The following FXR1 variants were observed in gnomAD, a reference collection of about 807,000 sequenced individuals.
The protein encoded by FXR1 is FMR1 autosomal homolog 1.
In FXR1, 15 loss-of-function variants were observed where a neutral mutation model predicts 84.0. The ratio of observed to expected loss-of-function variants is 0.18; its 90% CI spans 0.12 to 0.27. The LOEUF (loss-of-function observed/expected upper bound fraction) is 0.27, where lower values mean the gene tolerates loss of function less well. FXR1 is among the 10% of genes least tolerant of loss of function. The probability of loss-of-function intolerance (pLI) is 1.00; values close to 1 mark genes in which losing one functional copy is unlikely to be tolerated. For synonymous variants in FXR1, 245 were observed against 250.7 expected (o/e 0.98, Z 0.21); for missense variants, 480 against 774.4 (o/e 0.62, Z 4.51).
chr3:180,961,585 A>G (rs769615389), intron 11 of FXR1, 31 bp downstream of exon 11: 1 of 975,610 alleles, frequency 1.0e-6, no homozygotes. Context: ...ATATTCTGAT[A>G]TTGTTGCTGC....
At chr3:180,976,069 C>T in intron 16 of FXR1, 53 bp from the exon 17 acceptor site, 2 of 1,419,218 alleles carry the variant, frequency 1.4e-6, no homozygotes, top group Non-Finnish European at 1.9e-6. Context: ...TTTTCCTCCT[C>T]AGCTATAGAT....
At chr3:180,917,263 C>G (rs889961416) in intron 1 of FXR1, among the ~76,000 whole-genome samples, 1 of 141,408 alleles carries the variant, frequency 7.1e-6, no homozygotes, top group African/African-American at 2.7e-5. Flanking sequence ...TGAGCGTAAT[C>G]TAAATTATGC....
chr3:180,937,637 T>C (rs1720673729), intron 3 of FXR1, among the ~76,000 whole-genome samples: 1 of 152,126 alleles, frequency 6.6e-6, no homozygotes, highest in South Asian at 2.1e-4. Flanking sequence ...ATTTAAAAAT[T>C]AATATAAGGA....
chr3:180,971,010 G>T (rs918876790), intron 15 of FXR1: 5 of 386,942 alleles, frequency 1.3e-5, no homozygotes, highest in East Asian at 2.4e-4. Flanking sequence ...TTGAAGGAAA[G>T]AAGGTTTTTT....
rs530598051 is a variant in FXR1 at position 180,918,530 on chromosome 3, T to C, written c.51+5794T>C. Among the ~76,000 whole-genome samples, 67 of 152,368 alleles carry C rather than the reference T, an allele frequency of 4.4e-4. 1 individual carries two copies. Among genetic ancestry groups the C allele is most frequent in the African/African-American group, 3.1e-4 (13 of 41,592 alleles). On this transcript the variant is annotated intron_variant, in intron 1 of 16. Transcript: ENST00000357559. ...CAGATACTTTGCTGGATTATCACTC[T>C]GGATAAGTTCTCTATCACAGTGTTT...
At chr3:180,971,033 T>A in intron 15 of FXR1, 3 of 713,184 alleles carry the variant, frequency 4.2e-6, no homozygotes, top group Non-Finnish European at 3.8e-6. Context: ...TTTTTTTGTT[T>A]GTTTTTGTCA....
In FXR1 at chr3:180,954,107, TTC is replaced by T. The variant is rs577125359; in HGVS notation, c.880+268_880+269del. 4.1e-4 allele frequency: 122 copies of T among 295,922 alleles called. 3 individuals are homozygous for T. In the South Asian group the frequency reaches 7.9e-3, roughly 19 times the overall value. 18.3% of individuals were successfully genotyped at this position (295,922 alleles called of 1,614,324 possible). On this transcript the variant is annotated intron_variant, in intron 9 of 16. Transcript: ENST00000357559. Reference sequence around the variant, plus strand: ...TTTTATAAGTTTGTCATTACAGTTTTTCATCAGTCTTTTCATCCCTTGGGATC... The same window carrying T: ...TTTTATAAGTTTGTCATTACAGTTTTATCAGTCTTTTCATCCCTTGGGATC...
At chr3:180,940,296 C>T (rs1720977488) in intron 3 of FXR1, among the ~76,000 whole-genome samples, 1 of 152,026 alleles carries the variant, frequency 6.6e-6, no homozygotes, top group Non-Finnish European at 1.5e-5. Flanking sequence ...TTTTTGCTGA[C>T]TAAAGATTGC....
chr3:180,945,871 G>A (rs1023564280), intron 3 of FXR1, among the ~76,000 whole-genome samples: 1 of 152,112 alleles, frequency 6.6e-6, no homozygotes, highest in Non-Finnish European at 1.5e-5. Context: ...GAAATACATT[G>A]TTTGAGAACA....
chr3:180,915,590 G>A, intron 1 of FXR1: 1 of 925,766 alleles, frequency 1.1e-6, no homozygotes, highest in South Asian at 1.4e-5. Context: ...TAACATTTTA[G>A]TGTATTTCTT....
chr3:180,946,978 T>C (rs1416174991), intron 3 of FXR1, among the ~76,000 whole-genome samples: 1 of 152,252 alleles, frequency 6.6e-6, no homozygotes, highest in East Asian at 1.9e-4. Context: ...AAGTGAAAGC[T>C]TCTGTGACCT....
intron 3 of FXR1, among the ~76,000 whole-genome samples, chr3:180,942,741 G>A (rs951117719): frequency 2.6e-4 from 39 of 152,132 alleles, no homozygotes; most frequent in Non-Finnish European, 3.5e-4. Flanking sequence ...TTGTTCCTGC[G>A]AAATAGTTTG....
chr3:180,976,365 T>C lies in FXR1; in HGVS notation c.*73T>C, dbSNP rs1384289229. The C allele has an allele frequency of 2.9e-6, 3 of 1,018,334 alleles. No individual in the cohort carries two copies. Among genetic ancestry groups the C allele is most frequent in the Non-Finnish European group, 4.3e-6 (3 of 702,298 alleles). 63.1% of individuals were successfully genotyped at this position (1,018,334 alleles called of 1,614,324 possible). A position where few individuals can be genotyped will look rare whatever the true frequency, so the allele number is the denominator to read the frequency against. The stretch of plus-strand genomic sequence containing the variant: ...AGTGCTTGTACAAGCTTGCCAAAGA[T>C]AGAATATGGATCGCCAGTCTTTACA... On this transcript the variant is annotated 3_prime_UTR_variant, in exon 17 of 17. Transcript: ENST00000357559.
chr3:180,916,674 T>G (rs1717931790), intron 1 of FXR1, among the ~76,000 whole-genome samples: 1 of 152,222 alleles, frequency 6.6e-6, no homozygotes, highest in African/African-American at 2.4e-5. Flanking sequence ...CCCAAAGTGC[T>G]GGGATTACAG....
chr3:180,956,267 T>C (rs1233038591), intron 9 of FXR1, among the ~76,000 whole-genome samples: 1 of 152,210 alleles, frequency 6.6e-6, no homozygotes, highest in Non-Finnish European at 1.5e-5. Context: ...TCCAGAAGCC[T>C]TCCTTAATCA....
chr3:180,929,709 C>T (rs143545038), intron 1 of FXR1, among the ~76,000 whole-genome samples: 411 of 152,220 alleles, frequency 2.7e-3, no homozygotes, highest in Non-Finnish European at 4.8e-3. Flanking sequence ...CTTGAGCAGG[C>T]GGGGAGACCT....
rs545338729 is a variant in FXR1, at chr3:180,958,841, C to G, written c.990+913C>G. Among the ~76,000 whole-genome samples the G allele has an allele frequency of 6.3e-4, 88 of 139,416 alleles. 1 individual carries two copies. In the South Asian group the frequency reaches 0.021, roughly 33 times the overall value. 91.5% of individuals were successfully genotyped at this position (139,416 alleles called of 152,430 possible). A position where few individuals can be genotyped will look rare whatever the true frequency, so the allele number is the denominator to read the frequency against. On this transcript the variant is annotated intron_variant, in intron 10 of 16. Transcript: ENST00000357559. The stretch of plus-strand genomic sequence containing the variant: ...TTTTTTTCCTGGAGACAGAGTCTTA[C>G]TCTGTCACCAGGGTGGAGTGCAGTG...
At chr3:180,971,175 G>T in intron 15 of FXR1, 1 of 1,036,432 alleles carries the variant, frequency 9.6e-7, no homozygotes, top group Non-Finnish European at 1.3e-6. Context: ...GTGGACCTGT[G>T]GACACCATCA....
chr3:180,922,716 G>A (rs1048768199), intron 1 of FXR1, among the ~76,000 whole-genome samples: 1 of 152,126 alleles, frequency 6.6e-6, no homozygotes, highest in Non-Finnish European at 1.5e-5. Context: ...AGGTTCAAGC[G>A]ATCCTCCTGC....
Sources: allele counts gnomAD v4.1 joint callset (sites outside exome capture counted in the v4.1 genomes callset), GRCh38; gene constraint gnomAD v4.1.1; transcripts MANE v1.5; gene names NCBI Gene and HGNC (gene_info 2026-07-23, HGNC 2026-07-21).